Variants in STK33 observed in about 807,000 individuals in gnomAD.
STK33 encodes the protein serine/threonine kinase 33.
STK33 carries 52 observed loss-of-function variants against 58.0 expected under a neutral mutation model. The observed-to-expected ratio is 0.90, with a 90% CI of 0.72 to 1.13. STK33 has a LOEUF of 1.13. Ranked by LOEUF, STK33 falls within the 50% of genes most tolerant of loss-of-function variation. The probability of loss-of-function intolerance (pLI) is 0.00; values close to 1 mark genes in which losing one functional copy is unlikely to be tolerated. For synonymous variants in STK33, 215 were observed against 200.1 expected (o/e 1.07, Z -0.63); for missense variants, 630 against 604.2 (o/e 1.04, Z -0.45).
At chr11:8,346,181 G>A in the STK33 span, among the ~76,000 whole-genome samples, 1 of 152,182 alleles carries the variant, frequency 6.6e-6, no homozygotes, top group Non-Finnish European at 1.5e-5. Flanking sequence ...TTACCACTGC[G>A]AGGCCAAAAA....
chr11:8,500,504 A>G (rs1348285587), intron 1 of STK33, among the ~76,000 whole-genome samples: 1 of 152,186 alleles, frequency 6.6e-6, no homozygotes, highest in African/African-American at 2.4e-5. Flanking sequence ...AATTAACAGA[A>G]TAAGTGCAAG....
intron 1 of STK33, among the ~76,000 whole-genome samples, chr11:8,549,674 G>C (rs748785813): frequency 5.3e-5 from 8 of 152,014 alleles, no homozygotes; most frequent in Non-Finnish European, 1.2e-4. Flanking sequence ...CTATTAGTCT[G>C]TTCAGGTTTC....
Position 8,440,731 on chromosome 11 carries a change from G to T in STK33, c.894C>A (p.His298Gln). The T allele has an allele frequency of 6.4e-7, 1 of 1,569,458 alleles. No individual in the cohort carries two copies. Among genetic ancestry groups the T allele is most frequent in the Non-Finnish European group, 8.7e-7 (1 of 1,155,136 alleles). ...AAATGTCACACTGCTGGCTATAGTCGTGGGCACTGATAACTTCAGGGGCTG... is the reference window on the plus strand; with the variant it reads ...AAATGTCACACTGCTGGCTATAGTCTTGGGCACTGATAACTTCAGGGGCTG... ...IYMAPEVISA[H>Q]DYSQQCDIWS... Residue 298 changes from histidine (H) to glutamine (Q), a missense_variant, in exon 12 of 16, where the codon CAC becomes CAA. Physicochemically the swap from His to Gln is conservative, Grantham distance 24. Transcript: ENST00000687296.
At chr11:8,525,913 A>C (rs749842109) in intron 1 of STK33, among the ~76,000 whole-genome samples, 3 of 152,214 alleles carry the variant, frequency 2.0e-5, no homozygotes, top group Non-Finnish European at 2.9e-5. Flanking sequence ...GGGCCTTCAC[A>C]AAAGAGGATA....
chr11:8,436,639 G>C (rs1944102492), intron 12 of STK33, among the ~76,000 whole-genome samples: 1 of 152,164 alleles, frequency 6.6e-6, no homozygotes, highest in African/African-American at 2.4e-5. Flanking sequence ...TTTATCCATA[G>C]TAAAATACTG....
chr11:8,437,798 A>G (rs1029421695), intron 12 of STK33, among the ~76,000 whole-genome samples: 1 of 152,188 alleles, frequency 6.6e-6, no homozygotes, highest in Non-Finnish European at 1.5e-5. Context: ...AGACCAGACA[A>G]TAGAGCTTTT....
intron 1 of STK33, among the ~76,000 whole-genome samples, chr11:8,518,027 GA>G (rs1952977583): frequency 6.6e-6 from 1 of 152,060 alleles, no homozygotes; most frequent in African/African-American, 2.4e-5. Flanking sequence ...GCAACCCCAA[GA>G]CACATAATTG....
intron 1 of STK33, among the ~76,000 whole-genome samples, chr11:8,534,568 C>CTCTCTCTCTCTG (rs1402710450): frequency 2.9e-5 from 3 of 104,736 alleles, no homozygotes; most frequent in African/African-American, 1.2e-4. Context: ...CTCTCTCTCT[C>CTCTCTCTCTCTG]TGTGTGTGTG....
chr11:8,461,355 C>T (rs1368178930), intron 8 of STK33, among the ~76,000 whole-genome samples: 1 of 152,096 alleles, frequency 6.6e-6, no homozygotes, highest in African/African-American at 2.4e-5. Context: ...GAAGATAAAA[C>T]ATATCAGTAA....
rs1249576851 is a variant in STK33, at chr11:8,519,509, G to A, written c.-465-38895C>T. On this transcript the variant is annotated intron_variant, in intron 1 of 15. Coordinates refer to ENST00000687296, the MANE Select transcript of STK33 (RefSeq NM_001352389.2). Reference sequence around the variant, plus strand: ...CTAAGATCAGAGCAGAACTGAAGGAGACAGAGACACAAAAAACCCTTCAAA... The same window carrying A: ...CTAAGATCAGAGCAGAACTGAAGGAAACAGAGACACAAAAAACCCTTCAAA... 3.3e-5 allele frequency among the ~76,000 whole-genome samples: 5 copies of A among 152,110 alleles called. No individual in the cohort carries two copies. In the South Asian group the frequency reaches 1.0e-3, roughly 32 times the overall value.
intron 1 of STK33, among the ~76,000 whole-genome samples, chr11:8,509,385 G>C (rs1039740483): frequency 6.6e-6 from 1 of 151,988 alleles, no homozygotes; most frequent in Non-Finnish European, 1.5e-5. Context: ...CATAATACTT[G>C]GGCCATGAAA....
At chr11:8,558,562 T>G (rs1445332270) in intron 1 of STK33, among the ~76,000 whole-genome samples, 1 of 152,126 alleles carries the variant, frequency 6.6e-6, no homozygotes, top group Admixed American at 6.6e-5. Context: ...GTTTTTGAAT[T>G]AATCAAGGGT....
chr11:8,449,633 G>T (rs534446702), intron 11 of STK33, among the ~76,000 whole-genome samples: 2 of 148,732 alleles, frequency 1.3e-5, no homozygotes, highest in African/African-American at 5.1e-5. Context: ...GGCCTGTTGT[G>T]GGGTGGGTGG....
intron 1 of STK33, among the ~76,000 whole-genome samples, chr11:8,557,758 A>G (rs1029405646): frequency 2.6e-5 from 4 of 152,112 alleles, no homozygotes; most frequent in African/African-American, 9.7e-5. Context: ...AAACCCTCAA[A>G]AAAGATAACT....
the STK33 span, among the ~76,000 whole-genome samples, chr11:8,336,091 C>T: frequency 6.6e-6 from 1 of 152,194 alleles, no homozygotes; most frequent in African/African-American, 2.4e-5. Context: ...CCCCAGGGCA[C>T]TGAGATGGAA....
At chr11:8,387,717 G>A (rs960621124), downstream of STK33, among the ~76,000 whole-genome samples, 2 of 152,158 alleles carry the variant, frequency 1.3e-5, no homozygotes, top group African/African-American at 4.8e-5. Context: ...TTTGGACCAG[G>A]AAATATCAGC....
At chr11:8,528,932 C>T (rs1459910638) in intron 1 of STK33, among the ~76,000 whole-genome samples, 1 of 152,188 alleles carries the variant, frequency 6.6e-6, no homozygotes, top group African/African-American at 2.4e-5. Context: ...ATCATTTAAT[C>T]TTTACAATAC....
intron 1 of STK33, among the ~76,000 whole-genome samples, chr11:8,562,212 T>C (rs966560952): frequency 2.0e-5 from 3 of 152,202 alleles, no homozygotes; most frequent in Admixed American, 1.3e-4. Context: ...TGCTAATTTA[T>C]TAGTTATTCA....
chr11:8,395,377 C>T (rs548872164), intron 15 of STK33, among the ~76,000 whole-genome samples: 6 of 152,200 alleles, frequency 3.9e-5, no homozygotes, highest in Non-Finnish European at 7.3e-5. Flanking sequence ...CGTATCTTTG[C>T]TCCTCCTTTG....
Sources: gnomAD v4.1 joint callset for allele counts (sites outside exome capture counted in the v4.1 genomes callset) on GRCh38, gnomAD v4.1.1 for gene constraint, MANE v1.5 for transcripts, NCBI Gene and HGNC (gene_info 2026-07-23, HGNC 2026-07-21) for gene names.